RACGAP1: variants seen among roughly 807,000 people sequenced by gnomAD.
RACGAP1 encodes the protein rac GTPase-activating protein 1.
A neutral mutation model predicts 78.1 loss-of-function variants in RACGAP1; 30 were observed. The observed-to-expected ratio is 0.38, with a 90% CI of 0.29 to 0.52. RACGAP1 has a LOEUF of 0.52. Among genes scored for constraint, RACGAP1 ranks in the 20% least tolerant of loss-of-function variants. The pLI, the probability that RACGAP1 is intolerant of heterozygous loss-of-function variation, is 0.82. For synonymous variants in RACGAP1, 231 were observed against 264.8 expected (o/e 0.87, Z 1.24); for missense variants, 587 against 777.1 (o/e 0.76, Z 2.91).
upstream of RACGAP1, among the ~76,000 whole-genome samples, chr12:50,028,955 T>A (rs1277480532): frequency 6.6e-6 from 1 of 151,274 alleles, no homozygotes; most frequent in East Asian, 2.0e-4. Flanking sequence ...CAGTGGCTCA[T>A]GCCTGTATTC....
chr12:49,994,826 C>A, intron 10 of RACGAP1, among the ~76,000 whole-genome samples: 1 of 151,974 alleles, frequency 6.6e-6, no homozygotes, highest in East Asian at 1.9e-4. Context: ...AGAAAACAAG[C>A]AATAATGAGG....
intron 7 of RACGAP1, among the ~76,000 whole-genome samples, chr12:50,000,930 C>A (rs1042550551): frequency 3.9e-5 from 6 of 152,188 alleles, no homozygotes; most frequent in African/African-American, 1.4e-4. Context: ...CGCCTGTAAT[C>A]CCAGCTACGT....
At chr12:50,015,175 C>G (rs984893126) in intron 2 of RACGAP1, among the ~76,000 whole-genome samples, 1 of 151,764 alleles carries the variant, frequency 6.6e-6, no homozygotes, top group African/African-American at 2.4e-5. Context: ...CCACTATGCC[C>G]GACCGCTAAT....
intron 7 of RACGAP1, 55 bp downstream of exon 7, chr12:50,001,117 A>C: frequency 7.5e-7 from 1 of 1,330,376 alleles, no homozygotes; most frequent in Non-Finnish European, 1.1e-6. Flanking sequence ...TGACTCAGAG[A>C]AGTTTTAATG....
At chr12:50,011,871 G>A (rs973011733) in intron 2 of RACGAP1, among the ~76,000 whole-genome samples, 5 of 149,904 alleles carry the variant, frequency 3.3e-5, no homozygotes, top group East Asian at 4.0e-4. Flanking sequence ...AGAGAATGGC[G>A]TGAATCTGGG....
At chr12:50,018,766 G>C (rs1178651061) in intron 1 of RACGAP1, among the ~76,000 whole-genome samples, 4 of 151,518 alleles carry the variant, frequency 2.6e-5, no homozygotes, top group East Asian at 3.9e-4. Context: ...GTTGAAAACT[G>C]GTTGTTTAAA....
At chr12:50,001,962 G>A (rs1278280356) in intron 6 of RACGAP1, among the ~76,000 whole-genome samples, 1 of 152,000 alleles carries the variant, frequency 6.6e-6, no homozygotes, top group African/African-American at 2.4e-5. Flanking sequence ...CTGCTTGGGA[G>A]GCCGACGCAG....
At chr12:49,996,574 G>A (rs1948279089) in intron 10 of RACGAP1, among the ~76,000 whole-genome samples, 1 of 138,478 alleles carries the variant, frequency 7.2e-6, no homozygotes, top group East Asian at 2.2e-4. Context: ...CAGGGGGGCG[G>A]AGGTTGCAGT....
chr12:50,018,280 TG>T lies in RACGAP1; in HGVS notation c.-4-1562del, dbSNP rs2137641125. ...GAAAAAAAGTTCTCAGTTCCAAGCC[TG>T]GATGCAACATATACCTGAATCAGGG... On this transcript the variant is annotated intron_variant, in intron 1 of 16. Transcript: ENST00000312377. 2.0e-5 allele frequency among the ~76,000 whole-genome samples: 3 copies of T among 152,270 alleles called. No homozygotes were observed. In the South Asian group the frequency reaches 6.2e-4, roughly 32 times the overall value.
intron 2 of RACGAP1, among the ~76,000 whole-genome samples, chr12:50,014,284 A>T (rs1854714909): frequency 6.6e-6 from 1 of 152,234 alleles, no homozygotes; most frequent in African/African-American, 2.4e-5. Flanking sequence ...CTGGTATAGA[A>T]TAATTCCCTT....
At chr12:50,005,919 C>T (rs1948949076) in intron 3 of RACGAP1, among the ~76,000 whole-genome samples, 1 of 152,210 alleles carries the variant, frequency 6.6e-6, no homozygotes, top group African/African-American at 2.4e-5. Flanking sequence ...CCCATCCTGG[C>T]ACATCAAAAT....
chr12:49,997,243 A>G, intron 9 of RACGAP1, 39 bp from the exon 10 acceptor site: 1 of 1,441,408 alleles, frequency 6.9e-7, no homozygotes. Flanking sequence ...AGTGATATGA[A>G]TTAGAAAATT....
At chr12:49,998,095 T>G (rs1351648060) in intron 9 of RACGAP1, among the ~76,000 whole-genome samples, 3 of 152,086 alleles carry the variant, frequency 2.0e-5, no homozygotes, top group African/African-American at 4.8e-5. Flanking sequence ...AGAACTTGTT[T>G]ACAAAGAGCA....
intron 14 of RACGAP1, 27 bp from the exon 15 acceptor site, chr12:49,992,160 ACT>A: frequency 6.2e-7 from 1 of 1,612,726 alleles, no homozygotes; most frequent in East Asian, 2.2e-5. Flanking sequence ...CTGTTAGCAA[ACT>A]TCCAAAGCTC....
At chr12:50,025,770 T>G (rs1041731134), upstream of RACGAP1, among the ~76,000 whole-genome samples, 1 of 152,208 alleles carries the variant, frequency 6.6e-6, no homozygotes, top group African/African-American at 2.4e-5. Context: ...TCTCACTGTC[T>G]GCGGGACTAG....
chr12:50,007,133 A>T (rs186132515), intron 2 of RACGAP1, among the ~76,000 whole-genome samples: 2 of 152,284 alleles, frequency 1.3e-5, no homozygotes, highest in African/African-American at 4.8e-5. Flanking sequence ...AGATGTCTAG[A>T]CCTACAATTC....
rs1185962520 is a variant in RACGAP1, at chr12:49,995,934, A to C, written c.1044+1106T>G. On this transcript the variant is annotated intron_variant, in intron 10 of 16. Coordinates refer to ENST00000312377, the MANE Select transcript of RACGAP1 (RefSeq NM_001319999.2). ...ATAAAAGATAATTTTATCACAGATA[A>C]AATTATATGATAGCTGAGATTTGCT... Among the ~76,000 whole-genome samples, 3 of 152,244 alleles carry C rather than the reference A, an allele frequency of 2.0e-5. No individual in the cohort carries two copies. In the East Asian group the frequency reaches 5.8e-4, roughly 29 times the overall value.
At chr12:50,008,803 A>G (rs1949135036) in intron 2 of RACGAP1, among the ~76,000 whole-genome samples, 1 of 152,100 alleles carries the variant, frequency 6.6e-6, no homozygotes, top group Non-Finnish European at 1.5e-5. Context: ...GAAAGATACT[A>G]TTTTTATGTA....
At chr12:49,995,012 G>C (rs556143404) in intron 10 of RACGAP1, among the ~76,000 whole-genome samples, 4 of 152,188 alleles carry the variant, frequency 2.6e-5, no homozygotes, top group African/African-American at 9.6e-5. Flanking sequence ...CTGTAGGGGA[G>C]AACTCCATGG....
Sources: allele counts gnomAD v4.1 joint callset (sites outside exome capture counted in the v4.1 genomes callset), GRCh38; gene constraint gnomAD v4.1.1; transcripts MANE v1.5; gene names NCBI Gene and HGNC (gene_info 2026-07-23, HGNC 2026-07-21).